The following PTTG1 variants were observed in gnomAD, a reference collection of about 807,000 sequenced individuals.
PTTG1 encodes the protein PTTG1 regulator of sister chromatid separation, securin.
PTTG1 carries 8 observed loss-of-function variants against 20.0 expected under a neutral mutation model. The observed-to-expected ratio is 0.40, with a 90% confidence interval of 0.23 to 0.72. PTTG1 has a LOEUF of 0.72. Among genes scored for constraint, PTTG1 ranks in the 30% least tolerant of loss-of-function variants. The pLI is 0.38. For missense variants in PTTG1, 197 were observed against 236.0 expected (o/e 0.83, Z 1.08); for synonymous variants, 79 against 87.2 (o/e 0.91, Z 0.52).
At chr5:160,426,234 AT>A (rs1765807075) in intron 4 of PTTG1, among the ~76,000 whole-genome samples, 1 of 152,148 alleles carries the variant, frequency 6.6e-6, no homozygotes, top group Non-Finnish European at 1.5e-5. Flanking sequence ...AACATAAAAT[AT>A]TTTTTGTTCT....
chr5:160,424,162 A>G (rs1441397279), intron 3 of PTTG1, 75 bp from the exon 4 acceptor site: 7 of 1,081,624 alleles, frequency 6.5e-6, no homozygotes, highest in Non-Finnish European at 9.5e-6. Flanking sequence ...GCAGCATGAA[A>G]TTGACAAATT....
chr5:160,427,860 A>G lies in PTTG1; in HGVS notation c.516A>G (p.Pro172=). 2 of 1,614,122 alleles carry G rather than the reference A, an allele frequency of 1.2e-6. No individual in the cohort carries two copies. Among genetic ancestry groups the G allele is most frequent in the Non-Finnish European group, 1.7e-6 (2 of 1,179,998 alleles). The part of the protein sequence containing the change: ...GPPSPVKMPS[P]PWESNLLQSP... ...CTTCACCTGTGAAGATGCCCTCTCC[A>G]CCATGGGAATCCAGTAAGTGAGCAA... The change falls in exon 5 of 6, where the codon CCA becomes CCG. Residue 172 remains proline (P), a synonymous_variant. Coordinates refer to ENST00000352433, the MANE Select transcript of PTTG1 (RefSeq NM_004219.4).
rs781564469 is a variant in PTTG1 at position 160,422,743 on chromosome 5, A to G, written c.126A>G (p.Ser42=). 1 of 1,614,154 alleles carries G rather than the reference A, an allele frequency of 6.2e-7. No individual in the cohort carries two copies. The highest frequency in any genetic ancestry group is 1.1e-5 in the South Asian group (1 of 91,080). ...CCTTAGATGGGAGATCTCAAGTTTC[A>G]ACACCACGTTTTGGCAAAACGTTCG... The part of the protein sequence containing the change: ...IKALDGRSQV[S]TPRFGKTFDA... The change falls in exon 3 of 6, where the codon TCA becomes TCG. Residue 42 remains serine, a synonymous_variant. Transcript: ENST00000352433.
chr5:160,422,513 C>CT lies in PTTG1; in HGVS notation c.91+115dup, dbSNP rs1224547421. The stretch of plus-strand genomic sequence containing the variant: ...CAATTGGAGTCGTTTGTTATTGGTC[C>CT]TTTTTCATTTTTAATATCTTAATGA... On this transcript the variant is annotated intron_variant, in intron 2 of 5. Coordinates refer to ENST00000352433, the MANE Select transcript of PTTG1 (RefSeq NM_004219.4). 71 of 1,015,934 alleles carry CT rather than the reference C, an allele frequency of 7.0e-5. No individual in the cohort carries two copies. The East Asian group carries it at 1.6e-3, about 23-fold the overall frequency. 62.9% of individuals were successfully genotyped at this position (1,015,934 alleles called of 1,614,324 possible).
intron 4 of PTTG1, among the ~76,000 whole-genome samples, chr5:160,426,645 A>C (rs1561572697): frequency 6.6e-6 from 1 of 152,270 alleles, no homozygotes; most frequent in Non-Finnish European, 1.5e-5. Flanking sequence ...CCACATGTTG[A>C]GATGCTTTAT....
At chr5:160,424,532 G>A (rs1765774561) in intron 4 of PTTG1, 1 of 499,228 alleles carries the variant, frequency 2.0e-6, no homozygotes, top group Non-Finnish European at 3.5e-6. Flanking sequence ...TAGGAACAAA[G>A]ATGTAGAAGA....
At position 160,424,382 on chromosome 5, in the gene PTTG1, AT is replaced by A. The variant is rs1765772102; in HGVS notation, c.370+54del. ...TGCTTTTGGCCTTTAGTTTCTTAGT[AT>A]TCAGCTCAGCTGTAACTTGTTATGA... On this transcript the variant is annotated intron_variant, in intron 4 of 5. Transcript: ENST00000352433. The A allele has an allele frequency of 1.2e-5, 15 of 1,289,094 alleles. No individual in the cohort carries two copies. In the East Asian group the frequency reaches 3.5e-4, roughly 30 times the overall value. 79.9% of individuals were successfully genotyped at this position (1,289,094 alleles called of 1,614,324 possible).
intron 5 of PTTG1, 75 bp from the exon 6 acceptor site, chr5:160,428,527 A>G (rs995434241): frequency 1.6e-6 from 2 of 1,273,284 alleles, no homozygotes; most frequent in Non-Finnish European, 1.1e-6. Flanking sequence ...TTTGATTGAC[A>G]GCTAATGTCT....
intron 5 of PTTG1, 84 bp downstream of exon 5, chr5:160,427,957 A>C: frequency 1.3e-6 from 2 of 1,526,470 alleles, no homozygotes; most frequent in Non-Finnish European, 1.8e-6. Context: ...GTTGTGCGGG[A>C]GGTGAGCCTG....
chr5:160,426,170 CTT>C (rs1765804988), intron 4 of PTTG1, among the ~76,000 whole-genome samples: 1 of 151,882 alleles, frequency 6.6e-6, no homozygotes, highest in South Asian at 2.1e-4. Context: ...GACTGAGAAA[CTT>C]AAGATATTTA....
rs1765835788 is a variant in PTTG1, at chr5:160,427,758, C to T, written c.414C>T (p.His138=). ...FDLPEEHQIA[H]LPLSGVPLMI... ...TGCCTGAAGAGCACCAGATTGCGCA[C>T]CTCCCCTTGAGTGGAGTGCCTCTCA... Residue 138 remains histidine, a synonymous_variant, in exon 5 of 6, where the codon CAC becomes CAT. Transcript: ENST00000352433. 1.2e-6 allele frequency: 2 copies of T among 1,614,004 alleles called. No homozygotes were observed. Among genetic ancestry groups the T allele is most frequent in the Non-Finnish European group, 8.5e-7 (1 of 1,180,024 alleles).
chr5:160,423,243 TGAGA>T (rs1765750419), intron 3 of PTTG1, among the ~76,000 whole-genome samples: 1 of 152,204 alleles, frequency 6.6e-6, no homozygotes, highest in Non-Finnish European at 1.5e-5. Context: ...AGATACATAC[TGAGA>T]GAGAGGGTGC....
intron 4 of PTTG1, among the ~76,000 whole-genome samples, chr5:160,426,359 A>C (rs1765809530): frequency 6.6e-6 from 1 of 152,254 alleles, no homozygotes. Flanking sequence ...TACATCTGTT[A>C]AAATATACGA....
At chr5:160,422,037 G>A (rs2113204940) in intron 1 of PTTG1, 146 bp downstream of exon 1, 1 of 294,320 alleles carries the variant, frequency 3.4e-6, no homozygotes, top group African/African-American at 2.2e-5. Context: ...GTTTGAGCGT[G>A]GTCTCGGACT....
intron 5 of PTTG1, 38 bp downstream of exon 5, chr5:160,427,911 A>G: frequency 6.2e-7 from 1 of 1,612,846 alleles, no homozygotes; most frequent in Non-Finnish European, 8.5e-7. Context: ...GGCTGCAAAC[A>G]ATTTGTTTCA....
At chr5:160,421,984 C>A in intron 1 of PTTG1, 93 bp downstream of exon 1, 1 of 200,726 alleles carries the variant, frequency 5.0e-6, no homozygotes, top group Non-Finnish European at 1.0e-5. Context: ...GAAGCTGGGG[C>A]TGGGGTTGGG....
intron 3 of PTTG1, among the ~76,000 whole-genome samples, chr5:160,423,926 T>C (rs1765763177): frequency 6.6e-6 from 1 of 152,230 alleles, no homozygotes; most frequent in African/African-American, 2.4e-5. Flanking sequence ...GATGATTAGC[T>C]ACTATCCTGG....
chr5:160,422,486 G>A (rs1765731947), intron 2 of PTTG1, 83 bp downstream of exon 2: 1 of 1,255,488 alleles, frequency 8.0e-7, no homozygotes, highest in East Asian at 2.3e-5. Context: ...GTACTTTTTG[G>A]GCAATTGGAG....
At position 160,421,883 on chromosome 5, in the gene PTTG1, A is replaced by G; in HGVS notation, c.-20A>G. On this transcript the variant is annotated 5_prime_UTR_variant, in exon 1 of 6. Transcript: ENST00000352433. ...GCGGCCTCAGATGAATGCGGCTGTTAAGACCTGCGTGAGTGAATGGGAGGG... is the reference window on the plus strand; with the variant it reads ...GCGGCCTCAGATGAATGCGGCTGTTGAGACCTGCGTGAGTGAATGGGAGGG... The G allele has an allele frequency of 1.8e-5, 3 of 170,716 alleles. No individual in the cohort carries two copies. The highest frequency in any genetic ancestry group is 1.2e-4 in the South Asian group (1 of 8,110). The allele number at this position is 170,716 out of a possible 1,614,324, so 10.6% of individuals were successfully genotyped here.
Sources: allele counts gnomAD v4.1 joint callset (sites outside exome capture counted in the v4.1 genomes callset), GRCh38; gene constraint gnomAD v4.1.1; transcripts MANE v1.5; gene names NCBI Gene and HGNC (gene_info 2026-07-23, HGNC 2026-07-21).